ASB4: variants seen among roughly 807,000 people sequenced by gnomAD.
ASB4 encodes ankyrin repeat and SOCS box protein 4.
A neutral mutation model predicts 38.6 loss-of-function variants in ASB4; 35 were observed. The ratio of observed to expected loss-of-function variants is 0.91; its 90% CI spans 0.69 to 1.20. The LOEUF is 1.20. ASB4 is among the 50% of genes most tolerant of loss of function. ASB4 has a pLI of 0.00. For missense variants in ASB4, 557 were observed against 527.2 expected (o/e 1.06, Z -0.55); for synonymous variants, 195 against 201.3 (o/e 0.97, Z 0.26).
rs1373729279 is a variant in ASB4, at chr7:95,538,358, A to G, written c.*599A>G. 6.6e-6 allele frequency: 1 copy of G among 152,330 alleles called. No homozygotes were observed. Among genetic ancestry groups the G allele is most frequent in the Admixed American group, 6.5e-5 (1 of 15,298 alleles). The allele number at this position is 152,330 out of a possible 1,614,324, so 9.4% of individuals were successfully genotyped here. On this transcript the variant is annotated 3_prime_UTR_variant, in exon 5 of 5. Coordinates refer to ENST00000325885, the MANE Select transcript of ASB4 (RefSeq NM_016116.3). Reference sequence around the variant, plus strand: ...AGAAAGAAACATCAGTCCAGTTAATAGTCAAGAATGGACATTTGAACCAGA... The same window carrying G: ...AGAAAGAAACATCAGTCCAGTTAATGGTCAAGAATGGACATTTGAACCAGA...
At chr7:95,473,314 G>T in the ASB4 span, among the ~76,000 whole-genome samples, 1 of 152,194 alleles carries the variant, frequency 6.6e-6, no homozygotes, top group Non-Finnish European at 1.5e-5. Flanking sequence ...TGTCAACTTA[G>T]TTAATCCTCA....
At chr7:95,484,964 A>ATG (rs1790065928), upstream of ASB4, among the ~76,000 whole-genome samples, 1 of 148,142 alleles carries the variant, frequency 6.8e-6, no homozygotes, top group Non-Finnish European at 1.5e-5. Context: ...ACATATATAT[A>ATG]TGTGTGTATA....
intron 4 of ASB4, among the ~76,000 whole-genome samples, chr7:95,537,091 G>C (rs921802475): frequency 4.0e-5 from 6 of 151,524 alleles, no homozygotes; most frequent in Non-Finnish European, 7.4e-5. Context: ...GTCAAAGTCT[G>C]TCTGTAACAC....
At chr7:95,481,308 G>A (rs1288106706), upstream of ASB4, among the ~76,000 whole-genome samples, 1 of 151,620 alleles carries the variant, frequency 6.6e-6, no homozygotes, top group Admixed American at 6.6e-5. Flanking sequence ...TACAAACAAA[G>A]GCATCTTTAT....
intron 2 of ASB4, among the ~76,000 whole-genome samples, chr7:95,521,834 C>CA (rs1158461694): frequency 6.6e-6 from 1 of 151,446 alleles, no homozygotes; most frequent in East Asian, 1.9e-4. Context: ...GTAAAAAGAA[C>CA]AAAAATTTAC....
chr7:95,534,533 C>T (rs1201109005), intron 3 of ASB4, among the ~76,000 whole-genome samples: 1 of 151,976 alleles, frequency 6.6e-6, no homozygotes, highest in Non-Finnish European at 1.5e-5. Context: ...TCAGCCACCC[C>T]TCCTTCCCAG....
At chr7:95,486,943 C>A (rs762509577) in intron 1 of ASB4, among the ~76,000 whole-genome samples, 1 of 152,110 alleles carries the variant, frequency 6.6e-6, no homozygotes, top group South Asian at 2.1e-4. Context: ...ATTGGGGGAA[C>A]GTGAGTAGTT....
downstream of ASB4, chr7:95,542,897 G>A (rs1790989545): frequency 6.6e-6 from 1 of 152,174 alleles, no homozygotes; most frequent in African/African-American, 2.4e-5. Flanking sequence ...TAGCCACCTT[G>A]TATTTCTTAA....
intron 2 of ASB4, among the ~76,000 whole-genome samples, chr7:95,522,694 A>C (rs1392585195): frequency 6.6e-6 from 1 of 152,208 alleles, no homozygotes; most frequent in Non-Finnish European, 1.5e-5. Context: ...AATCAAGACC[A>C]TCAGGACAGG....
intron 1 of ASB4, among the ~76,000 whole-genome samples, chr7:95,489,093 A>G (rs1333469626): frequency 3.9e-5 from 6 of 152,232 alleles, no homozygotes. Flanking sequence ...AATATAGTCC[A>G]TCTAAGCCTA....
intron 2 of ASB4, among the ~76,000 whole-genome samples, chr7:95,505,622 T>C (rs1790396137): frequency 6.6e-6 from 1 of 152,130 alleles, no homozygotes; most frequent in African/African-American, 2.4e-5. Context: ...GAAGCAGCTT[T>C]ATGAGAATCT....
At chr7:95,500,842 A>G (rs992298954) in intron 2 of ASB4, among the ~76,000 whole-genome samples, 2 of 152,146 alleles carry the variant, frequency 1.3e-5, no homozygotes, top group Non-Finnish European at 2.9e-5. Flanking sequence ...ACTGTAGATA[A>G]TAGTGACCTG....
At chr7:95,506,938 C>T (rs573693583) in intron 2 of ASB4, among the ~76,000 whole-genome samples, 4 of 151,944 alleles carry the variant, frequency 2.6e-5, no homozygotes, top group South Asian at 2.1e-4. Context: ...TGTATTGTCT[C>T]GTCTCTCCTA....
intron 2 of ASB4, among the ~76,000 whole-genome samples, chr7:95,499,779 A>C (rs1010704423): frequency 1.3e-5 from 2 of 152,134 alleles, no homozygotes; most frequent in Non-Finnish European, 2.9e-5. Flanking sequence ...TAGAAAGAAA[A>C]CAGCTGAAGA....
intron 2 of ASB4, among the ~76,000 whole-genome samples, chr7:95,518,608 A>G (rs1054100984): frequency 7.9e-5 from 12 of 152,268 alleles, no homozygotes; most frequent in African/African-American, 2.9e-4. Flanking sequence ...CACTCAAGAA[A>G]GAGTTGAATG....
intron 1 of ASB4, among the ~76,000 whole-genome samples, chr7:95,488,214 G>T (rs1296769592): frequency 1.3e-5 from 2 of 152,160 alleles, no homozygotes; most frequent in Non-Finnish European, 2.9e-5. Flanking sequence ...GGTGGCGGCC[G>T]CCTGTAGTCC....
the ASB4 span, among the ~76,000 whole-genome samples, chr7:95,473,107 C>A: frequency 1.3e-5 from 2 of 151,992 alleles, no homozygotes; most frequent in Non-Finnish European, 2.9e-5. Flanking sequence ...AGTAATGATC[C>A]TAATGAGCAG....
At chr7:95,545,038 C>CTTTTTTTTTT (rs10678864), downstream of ASB4, among the ~76,000 whole-genome samples, 1 of 147,620 alleles carries the variant, frequency 6.8e-6, no homozygotes, top group Non-Finnish European at 1.5e-5. Flanking sequence ...AAAGATCCAG[C>CTTTTTTTTTT]TTTTTTTTTT....
chr7:95,495,359 T>C lies in ASB4; in HGVS notation c.188-399T>C, dbSNP rs555003001. 5.3e-5 allele frequency among the ~76,000 whole-genome samples: 8 copies of C among 152,264 alleles called. No homozygotes were observed. In the East Asian group the frequency reaches 1.5e-3, roughly 29 times the overall value. ...AGCCTTGGAATCATTCAAGACAAAC[T>C]CTCAATGATTGAAAGTTTTTTAAAA... On this transcript the variant is annotated intron_variant, in intron 1 of 4. Transcript: ENST00000325885.
Sources: allele counts gnomAD v4.1 joint callset (sites outside exome capture counted in the v4.1 genomes callset), GRCh38; gene constraint gnomAD v4.1.1; transcripts MANE v1.5; gene names NCBI Gene and HGNC (gene_info 2026-07-23, HGNC 2026-07-21).